Variants in JAKMIP2 observed in about 807,000 individuals in gnomAD.
The protein encoded by JAKMIP2 is janus kinase and microtubule interacting protein 2.
JAKMIP2 carries 25 observed loss-of-function variants against 115.0 expected under a neutral mutation model. That is an observed-to-expected ratio of 0.22 (90% CI 0.16 to 0.30). The LOEUF (loss-of-function observed/expected upper bound fraction) is 0.30. Ranked by LOEUF, JAKMIP2 falls within the 10% of genes least tolerant of loss-of-function variation. The pLI, the probability that JAKMIP2 is intolerant of heterozygous loss-of-function variation, is 1.00. For missense variants in JAKMIP2, 642 were observed against 957.6 expected (o/e 0.67, Z 4.35); for synonymous variants, 334 against 343.6 (o/e 0.97, Z 0.31).
rs569354734 is a variant in JAKMIP2 at position 147,703,635 on chromosome 5, C to T, written c.-148-31681G>A. 1.5e-3 allele frequency among the ~76,000 whole-genome samples: 223 copies of T among 150,862 alleles called. 1 individual carries two copies. The highest frequency in any genetic ancestry group is 2.1e-3 in the Non-Finnish European group (145 of 67,774). ...AGTGACAAGACCTCACTATGTTTCCCAGGCTGGTCTCGTGCTCCTGAACTC... is the reference window on the plus strand; with the variant it reads ...AGTGACAAGACCTCACTATGTTTCCTAGGCTGGTCTCGTGCTCCTGAACTC... On this transcript the variant is annotated intron_variant, in intron 1 of 21. Transcript: ENST00000616793.
At chr5:147,728,794 G>T (rs1205965353) in intron 1 of JAKMIP2, among the ~76,000 whole-genome samples, 3 of 152,090 alleles carry the variant, frequency 2.0e-5, no homozygotes, top group Non-Finnish European at 4.4e-5. Flanking sequence ...ATGCTTTAAG[G>T]TCATAAACTG....
At chr5:147,620,326 G>T (rs192713183) in intron 18 of JAKMIP2, among the ~76,000 whole-genome samples, 2 of 151,964 alleles carry the variant, frequency 1.3e-5, no homozygotes, top group African/African-American at 4.8e-5. Flanking sequence ...TGTTGCTCAC[G>T]CTGGTCTTGA....
At chr5:147,756,072 C>T (rs1462713528) in intron 1 of JAKMIP2, among the ~76,000 whole-genome samples, 3 of 152,022 alleles carry the variant, frequency 2.0e-5, no homozygotes, top group African/African-American at 4.8e-5. Context: ...AGGGAAGGGA[C>T]CAATAGGAAT....
intron 1 of JAKMIP2, among the ~76,000 whole-genome samples, chr5:147,772,747 A>G (rs757520296): frequency 2.0e-5 from 3 of 152,020 alleles, no homozygotes; most frequent in East Asian, 1.9e-4. Flanking sequence ...TGTGCTACAT[A>G]ATCAGACAGA....
At chr5:147,736,384 G>T (rs944416429) in intron 1 of JAKMIP2, among the ~76,000 whole-genome samples, 6 of 152,020 alleles carry the variant, frequency 3.9e-5, no homozygotes, top group Admixed American at 3.9e-4. Flanking sequence ...CTTGAACCTG[G>T]GGGGTGGAGG....
intron 3 of JAKMIP2, chr5:147,660,418 G>C (rs1758896757): frequency 6.7e-6 from 3 of 447,552 alleles, no homozygotes; most frequent in Non-Finnish European, 1.3e-5. Flanking sequence ...TGTTTAAAAT[G>C]ACTAGGGATT....
chr5:147,621,136 A>C (rs1479633974), intron 17 of JAKMIP2, among the ~76,000 whole-genome samples: 2 of 152,344 alleles, frequency 1.3e-5, no homozygotes, highest in East Asian at 3.9e-4. Flanking sequence ...AGTTTAACTG[A>C]TTCAAATTCA....
intron 3 of JAKMIP2, among the ~76,000 whole-genome samples, chr5:147,657,558 G>A (rs952810883): frequency 2.0e-5 from 3 of 152,174 alleles, no homozygotes; most frequent in African/African-American, 7.2e-5. Context: ...TGTCTTGCTA[G>A]GTTGGAGAAG....
intron 3 of JAKMIP2, among the ~76,000 whole-genome samples, chr5:147,652,970 T>C (rs1017021366): frequency 1.3e-5 from 2 of 152,136 alleles, no homozygotes; most frequent in African/African-American, 4.8e-5. Context: ...TGGTTTTCTG[T>C]TCCTGTGTTA....
chr5:147,770,492 A>G (rs575536803), intron 1 of JAKMIP2, among the ~76,000 whole-genome samples: 1 of 152,246 alleles, frequency 6.6e-6, no homozygotes, highest in South Asian at 2.1e-4. Flanking sequence ...ATCCAAACCT[A>G]TTCTTGTTAT....
At chr5:147,611,098 A>T (rs2126623619) in intron 20 of JAKMIP2, among the ~76,000 whole-genome samples, 1 of 152,250 alleles carries the variant, frequency 6.6e-6, no homozygotes, top group African/African-American at 2.4e-5. Context: ...ATTTCAACCC[A>T]GTGGGTCTTA....
chr5:147,693,653 C>A (rs1017702917), intron 1 of JAKMIP2, among the ~76,000 whole-genome samples: 33 of 147,430 alleles, frequency 2.2e-4, no homozygotes, highest in Admixed American at 1.6e-3. Context: ...TAAAATGTTA[C>A]AATAAAAAAA....
At position 147,628,825 on chromosome 5, in the gene JAKMIP2, A is replaced by C; in HGVS notation, c.1930-9T>G. On this transcript the variant is annotated splice_polypyrimidine_tract_variant and intron_variant, in intron 15 of 21. Coordinates refer to ENST00000616793, the MANE Select transcript of JAKMIP2 (RefSeq NM_001270941.2). ...TCTTCATTTCTTAAATTCTGTAAAAAATAAGAAAGGCCGTCAGCTGAACAT... is the reference window on the plus strand; with the variant it reads ...TCTTCATTTCTTAAATTCTGTAAAACATAAGAAAGGCCGTCAGCTGAACAT... The C allele has an allele frequency of 6.2e-7, 1 of 1,609,324 alleles. No individual in the cohort carries two copies.
chr5:147,677,064 A>T (rs1760007621), intron 1 of JAKMIP2, among the ~76,000 whole-genome samples: 1 of 152,210 alleles, frequency 6.6e-6, no homozygotes, highest in Non-Finnish European at 1.5e-5. Flanking sequence ...AACCTGTTTA[A>T]ATTCCACCTC....
intron 21 of JAKMIP2, among the ~76,000 whole-genome samples, chr5:147,591,922 G>A (rs1755116616): frequency 6.6e-6 from 1 of 152,162 alleles, no homozygotes; most frequent in African/African-American, 2.4e-5. Flanking sequence ...AATGGTTCTT[G>A]TCTCAAAGTA....
In JAKMIP2 at chr5:147,644,147, C is replaced by T; in HGVS notation, c.1135G>A (p.Asp379Asn). 6.2e-7 allele frequency: 1 copy of T among 1,606,712 alleles called. No homozygotes were observed. Among genetic ancestry groups the T allele is most frequent in the South Asian group, 1.1e-5 (1 of 89,596 alleles). The change falls in exon 7 of 22, where the codon GAC (aspartate) becomes AAC (asparagine). Residue 379 changes from aspartate to asparagine, a missense_variant. Coordinates refer to ENST00000616793, the MANE Select transcript of JAKMIP2 (RefSeq NM_001270941.2). ...PPLKKLKSLN[D>N]LDQANEEQET... ...TGTTCTTCATTAGCTTGGTCGAGGTCATTCAGAGATTTTAATTTCTTCAGG... is the reference window on the plus strand; with the variant it reads ...TGTTCTTCATTAGCTTGGTCGAGGTTATTCAGAGATTTTAATTTCTTCAGG...
intron 1 of JAKMIP2, among the ~76,000 whole-genome samples, chr5:147,770,422 T>G (rs1285316518): frequency 2.0e-5 from 3 of 152,128 alleles, no homozygotes; most frequent in Non-Finnish European, 4.4e-5. Flanking sequence ...ATCCAGGCTG[T>G]CTACACAAAA....
chr5:147,661,700 T>C (rs184676877), intron 2 of JAKMIP2: 1 of 434,096 alleles, frequency 2.3e-6, no homozygotes, highest in African/African-American at 2.0e-5. Context: ...CTATGCAATG[T>C]GTGGTCTGCA....
At chr5:147,734,284 G>T (rs533174607) in intron 1 of JAKMIP2, among the ~76,000 whole-genome samples, 2 of 151,748 alleles carry the variant, frequency 1.3e-5, no homozygotes, top group African/African-American at 4.8e-5. Context: ...TGGAGAAATA[G>T]GATGTGGCAA....
Sources: gnomAD v4.1 joint callset for allele counts (sites outside exome capture counted in the v4.1 genomes callset) on GRCh38, gnomAD v4.1.1 for gene constraint, MANE v1.5 for transcripts, NCBI Gene and HGNC (gene_info 2026-07-23, HGNC 2026-07-21) for gene names.